The following SCNN1G variants were observed in gnomAD, a reference collection of about 807,000 sequenced individuals.
The protein encoded by SCNN1G is sodium channel epithelial 1 subunit gamma, also known as epithelial sodium channel subunit gamma.
In SCNN1G, 27 loss-of-function variants were observed where a neutral mutation model predicts 64.6. The ratio of observed to expected loss-of-function variants is 0.42; its 90% CI spans 0.31 to 0.58. The LOEUF (loss-of-function observed/expected upper bound fraction) is 0.58, where lower values mean the gene tolerates loss of function less well. Among genes scored for constraint, SCNN1G ranks in the 20% least tolerant of loss-of-function variants. SCNN1G has a pLI of 0.18. For missense variants in SCNN1G, 743 were observed against 823.4 expected, an observed-to-expected ratio of 0.90 and a Z score of 1.19; for synonymous variants, 330 against 314.2, an observed-to-expected ratio of 1.05 and a Z score of -0.53.
chr16:23,193,024 G>T (rs918882433), intron 4 of SCNN1G, among the ~76,000 whole-genome samples: 2 of 127,180 alleles, frequency 1.6e-5, no homozygotes, highest in African/African-American at 6.1e-5. Flanking sequence ...AGCCAAGATT[G>T]CACTACTGCA....
chr16:23,198,884 A>G (rs1250981051), intron 6 of SCNN1G, among the ~76,000 whole-genome samples: 1 of 151,646 alleles, frequency 6.6e-6, no homozygotes, highest in Admixed American at 6.6e-5. Context: ...GCAAGACCCC[A>G]TCTCTACAAA....
At chr16:23,189,805 C>G (rs1959676724) in intron 3 of SCNN1G, 134 bp downstream of exon 3, 1 of 935,806 alleles carries the variant, frequency 1.1e-6, no homozygotes, top group Non-Finnish European at 1.7e-6. Context: ...GACACAGTGA[C>G]TCATGCTTGT....
chr16:23,186,684 C>G (rs1959612695), intron 2 of SCNN1G, 96 bp downstream of exon 2: 1 of 1,028,126 alleles, frequency 9.7e-7, no homozygotes. Flanking sequence ...GCCTGGAGGT[C>G]GATTCCAGCC....
At chr16:23,188,241 G>T (rs760476196) in intron 2 of SCNN1G, among the ~76,000 whole-genome samples, 49 of 152,294 alleles carry the variant, frequency 3.2e-4, no homozygotes, top group Admixed American at 1.8e-3. Context: ...AGGCACAGTG[G>T]CTCATGCCTG....
intron 8 of SCNN1G, 62 bp downstream of exon 8, chr16:23,212,213 A>C: frequency 9.3e-7 from 1 of 1,080,078 alleles, no homozygotes; most frequent in Non-Finnish European, 1.4e-6. Flanking sequence ...AGTCCTGGCA[A>C]TAGGCACTCC....
At position 23,214,906 on chromosome 16, in the gene SCNN1G, A is replaced by G. The variant is rs530809406; in HGVS notation, c.1569+119A>G. The stretch of plus-strand genomic sequence containing the variant: ...CAGCCTACTCTAGGAGGGCTGTTGT[A>G]GGCTAGCCAGGTCTCAGGTCGGAAT... On this transcript the variant is annotated intron_variant, in intron 12 of 12. Coordinates refer to ENST00000300061, the MANE Select transcript of SCNN1G (RefSeq NM_001039.4). 5.5e-6 allele frequency: 6 copies of G among 1,087,592 alleles called. No individual in the cohort carries two copies. The South Asian group carries it at 7.8e-5, about 14-fold the overall frequency. The allele number at this position is 1,087,592 out of a possible 1,614,324, so 67.4% of individuals were successfully genotyped here.
At position 23,215,293 on chromosome 16, in the gene SCNN1G, G is replaced by C. The variant is rs781671387; in HGVS notation, c.1774G>C (p.Asp592His). 5.6e-6 allele frequency: 9 copies of C among 1,614,172 alleles called. No homozygotes were observed. The highest frequency in any genetic ancestry group is 7.6e-6 in the Non-Finnish European group (9 of 1,180,030). ...AGCTCCCCGTAGCCCACAGGGCCAG[G>C]ACAATCCAGCCCTGGATATAGACGA... ...PEAPRSPQGQ[D>H]NPALDIDDDL... is the part of the protein sequence containing the mutation. The change falls in exon 13 of 13, where the codon GAC becomes CAC. Residue 592 changes from aspartate to histidine, a missense_variant. By Grantham distance (81) the Asp-to-His change is moderately conservative (BLOSUM62 -1). Transcript: ENST00000300061.
intron 6 of SCNN1G, among the ~76,000 whole-genome samples, chr16:23,200,030 T>G (rs1959864073): frequency 6.6e-6 from 1 of 152,172 alleles, no homozygotes; most frequent in Admixed American, 6.5e-5. Context: ...AATCTCCTTG[T>G]GGACTATACA....
chr16:23,209,905 A>G, intron 7 of SCNN1G, 57 bp downstream of exon 7: 2 of 1,250,924 alleles, frequency 1.6e-6, no homozygotes, highest in Non-Finnish European at 2.4e-6. Flanking sequence ...CCAGGAGACA[A>G]AGTTATATCT....
chr16:23,189,749 C>T (rs1959675777), intron 3 of SCNN1G, 78 bp downstream of exon 3: 2 of 1,362,206 alleles, frequency 1.5e-6, no homozygotes, highest in East Asian at 4.6e-5. Flanking sequence ...TCCTTGACCA[C>T]TAGCCCCTGT....
chr16:23,213,859 G>A (rs1275571030), intron 11 of SCNN1G, among the ~76,000 whole-genome samples: 1 of 152,202 alleles, frequency 6.6e-6, no homozygotes, highest in African/African-American at 2.4e-5. Flanking sequence ...CCAAGCAATT[G>A]CAAACCATTA....
At chr16:23,208,685 C>A (rs1039545242) in intron 6 of SCNN1G, among the ~76,000 whole-genome samples, 1 of 133,166 alleles carries the variant, frequency 7.5e-6, no homozygotes, top group Middle Eastern at 4.5e-3. Context: ...TCTTTCTTTT[C>A]TTTTTTCCTT....
At chr16:23,213,238 T>C in intron 11 of SCNN1G, 75 bp downstream of exon 11, 1 of 980,036 alleles carries the variant, frequency 1.0e-6, no homozygotes, top group Non-Finnish European at 1.6e-6. Flanking sequence ...TCTGTATGTG[T>C]ATGGCCAAAT....
Position 23,192,784 on chromosome 16 carries a change from T to C in SCNN1G, c.809+242T>C, listed in dbSNP as rs146770742. Among the ~76,000 whole-genome samples, 5 of 152,128 alleles carry C rather than the reference T, an allele frequency of 3.3e-5. No individual in the cohort carries two copies. In the East Asian group the frequency reaches 9.7e-4, roughly 29 times the overall value. On this transcript the variant is annotated intron_variant, in intron 4 of 12. Coordinates refer to ENST00000300061, the MANE Select transcript of SCNN1G (RefSeq NM_001039.4). ...AAACTACTCATTAAAAACAAGGTAG[T>C]TGGCCAGGCATGGTGGTTCACGCCT...
In SCNN1G at chr16:23,215,283, A is replaced by G. The variant is rs1216860358; in HGVS notation, c.1764A>G (p.Pro588=). Residue 588 remains proline (P), a synonymous_variant, in exon 13 of 13, where the codon CCA becomes CCG. Coordinates refer to ENST00000300061, the MANE Select transcript of SCNN1G (RefSeq NM_001039.4). ...APPCPEAPRS[P]QGQDNPALDI... Reference sequence around the variant, plus strand: ...CATGTCCAGAAGCTCCCCGTAGCCCACAGGGCCAGGACAATCCAGCCCTGG... The same window carrying G: ...CATGTCCAGAAGCTCCCCGTAGCCCGCAGGGCCAGGACAATCCAGCCCTGG... 2 of 1,614,172 alleles carry G rather than the reference A, an allele frequency of 1.2e-6. No homozygotes were observed. The highest frequency in any genetic ancestry group is 1.3e-5 in the African/African-American group (1 of 75,032).
At chr16:23,211,986 C>T in intron 7 of SCNN1G, 48 bp from the exon 8 acceptor site, 5 of 1,365,438 alleles carry the variant, frequency 3.7e-6, no homozygotes, top group Non-Finnish European at 5.2e-6. Context: ...AACTCCCTGA[C>T]ATCCCTGAGC....
At chr16:23,211,695 G>A (rs944569669) in intron 7 of SCNN1G, among the ~76,000 whole-genome samples, 2 of 152,010 alleles carry the variant, frequency 1.3e-5, no homozygotes, top group East Asian at 1.9e-4. Flanking sequence ...ATCTGTAATC[G>A]CAGCTACTTG....
chr16:23,199,835 C>T (rs139679444), intron 6 of SCNN1G, among the ~76,000 whole-genome samples: 2,401 of 151,648 alleles, frequency 0.016, 28 homozygotes, highest in Non-Finnish European at 0.025. Flanking sequence ...CCACGCCTGG[C>T]TAATTTTTTG....
intron 6 of SCNN1G, among the ~76,000 whole-genome samples, chr16:23,207,138 T>G (rs538835568): frequency 1.3e-5 from 2 of 152,348 alleles, no homozygotes; most frequent in African/African-American, 4.8e-5. Flanking sequence ...CAGAAAGCGT[T>G]GAAATCCAAA....
Sources: gnomAD v4.1 joint callset for allele counts (sites outside exome capture counted in the v4.1 genomes callset) on GRCh38, gnomAD v4.1.1 for gene constraint, MANE v1.5 for transcripts, NCBI Gene and HGNC (gene_info 2026-07-23, HGNC 2026-07-21) for gene names.